Variants in LRBA observed in about 807,000 individuals in gnomAD.
LRBA encodes the protein LPS responsive beige-like anchor protein, also known as lipopolysaccharide-responsive and beige-like anchor protein.
Under a neutral mutation model 330.0 loss-of-function variants are expected in LRBA, and 176 were observed. That is an observed-to-expected ratio of 0.53 (90% CI 0.47 to 0.60). LRBA has a LOEUF of 0.60. Ranked by LOEUF, LRBA falls within the 20% of genes least tolerant of loss-of-function variation. The probability of loss-of-function intolerance (pLI) is 0.00; values close to 1 mark genes in which losing one functional copy is unlikely to be tolerated. For synonymous variants in LRBA, 1,230 were observed against 1,193.0 expected (o/e 1.03, Z -0.64); for missense variants, 3,259 against 3,444.8 (o/e 0.95, Z 1.35).
chr4:150,454,269 GTATTT>G (rs1359615298), intron 44 of LRBA, among the ~76,000 whole-genome samples: 1 of 152,034 alleles, frequency 6.6e-6, no homozygotes, highest in African/African-American at 2.4e-5. Flanking sequence ...TCAAAAATTT[GTATTT>G]TAATTTGTGT....
At chr4:150,901,001 T>C (rs904496736) in intron 13 of LRBA, among the ~76,000 whole-genome samples, 2 of 152,096 alleles carry the variant, frequency 1.3e-5, no homozygotes, top group African/African-American at 4.8e-5. Context: ...GCACATTTCA[T>C]CTTAACAAAA....
chr4:150,367,898 C>T (rs1427276233), intron 47 of LRBA, among the ~76,000 whole-genome samples: 2 of 152,022 alleles, frequency 1.3e-5, no homozygotes, highest in African/African-American at 4.8e-5. Context: ...GCAACATAAA[C>T]GCATTTAAGA....
At chr4:150,706,033 C>T (rs1356053764) in intron 36 of LRBA, among the ~76,000 whole-genome samples, 4 of 152,002 alleles carry the variant, frequency 2.6e-5, no homozygotes, top group African/African-American at 9.6e-5. Context: ...GATGTGAGTG[C>T]ATGCCTGAAA....
intron 27 of LRBA, 87 bp from the exon 28 acceptor site, chr4:150,844,294 AGAACCAGAAAAGCAAAGCTATAGCATTCC>A (rs1274763297): frequency 1.4e-6 from 1 of 706,198 alleles, no homozygotes; most frequent in African/African-American, 1.8e-5. Flanking sequence ...CAGTATTCCC[AGAACCAGAAAAGCAAAGCTATAGCATTCC>A]TTTCCCCACT....
chr4:150,600,873 G>A (rs1774043154), intron 37 of LRBA, among the ~76,000 whole-genome samples: 1 of 152,180 alleles, frequency 6.6e-6, no homozygotes, highest in African/African-American at 2.4e-5. Flanking sequence ...TGATAGTCAT[G>A]GAGCTTGGAT....
At chr4:150,803,631 T>C (rs1237946657) in intron 33 of LRBA, among the ~76,000 whole-genome samples, 1 of 152,194 alleles carries the variant, frequency 6.6e-6, no homozygotes, top group Non-Finnish European at 1.5e-5. Flanking sequence ...TACAGTACTA[T>C]GGCACAATCA....
chr4:150,806,169 A>C, intron 33 of LRBA, 102 bp downstream of exon 33: 2 of 857,140 alleles, frequency 2.3e-6, no homozygotes, highest in Non-Finnish European at 3.4e-6. Flanking sequence ...TCAAAGGCTG[A>C]CAACACTTAA....
At chr4:150,640,197 A>C (rs930407016) in intron 37 of LRBA, among the ~76,000 whole-genome samples, 1 of 151,984 alleles carries the variant, frequency 6.6e-6, no homozygotes, top group Non-Finnish European at 1.5e-5. Flanking sequence ...TCATTGTGTA[A>C]AGTAAGGTAA....
intron 9 of LRBA, among the ~76,000 whole-genome samples, chr4:150,910,711 T>A (rs543265166): frequency 1.3e-5 from 2 of 152,194 alleles, no homozygotes; most frequent in African/African-American, 4.8e-5. Flanking sequence ...AAAAATGCCA[T>A]TGGGATTTTG....
In LRBA at chr4:150,367,515, C is replaced by T. The variant is rs78509322; in HGVS notation, c.7195-17356G>A. On this transcript the variant is annotated intron_variant, in intron 47 of 56. Transcript: ENST00000651943. Reference sequence around the variant, plus strand: ...CTGTACCTGCTGAGTTAATGTTCCTCGGCACACCCCTCCCCCAAAAACAGG... The same window carrying T: ...CTGTACCTGCTGAGTTAATGTTCCTTGGCACACCCCTCCCCCAAAAACAGG... 6.4e-3 allele frequency among the ~76,000 whole-genome samples: 973 copies of T among 152,300 alleles called. 9 individuals carry two copies. The highest frequency in any genetic ancestry group is 0.022 in the African/African-American group (929 of 41,552).
Position 150,615,786 on chromosome 4 carries a change from G to A in LRBA, c.5922-16655C>T, listed in dbSNP as rs115251143. ...TAGACCATATTTCCCAATCTCCTTTGCAATTAAGTATGGCAATATGACTGA... is the reference window on the plus strand; with the variant it reads ...TAGACCATATTTCCCAATCTCCTTTACAATTAAGTATGGCAATATGACTGA... On this transcript the variant is annotated intron_variant, in intron 37 of 56. Coordinates refer to ENST00000651943, the MANE Select transcript of LRBA (RefSeq NM_001364905.1). Among the ~76,000 whole-genome samples, 1,112 of 152,014 alleles carry A rather than the reference G, an allele frequency of 7.3e-3. 6 individuals carry two copies. Among genetic ancestry groups the A allele is most frequent in the African/African-American group, 0.025 (1,045 of 41,466 alleles).
chr4:150,521,661 T>C (rs904151749), intron 40 of LRBA, among the ~76,000 whole-genome samples: 2 of 152,248 alleles, frequency 1.3e-5, no homozygotes, highest in African/African-American at 4.8e-5. Flanking sequence ...TTCCCAGATA[T>C]CTTCATTACT....
chr4:150,858,300 T>C (rs141855336), intron 22 of LRBA, among the ~76,000 whole-genome samples: 72 of 152,092 alleles, frequency 4.7e-4, no homozygotes, highest in African/African-American at 1.5e-3. Context: ...GAAGCTGTAG[T>C]GTGTTATATA....
chr4:150,867,945 C>A, intron 21 of LRBA, 82 bp from the exon 22 acceptor site: 1 of 1,144,792 alleles, frequency 8.7e-7, no homozygotes, highest in South Asian at 1.6e-5. Context: ...ACAAAATAAC[C>A]CTGCCCCTCC....
intron 53 of LRBA, among the ~76,000 whole-genome samples, chr4:150,294,667 G>C (rs1728731617): frequency 6.6e-6 from 1 of 152,148 alleles, no homozygotes; most frequent in African/African-American, 2.4e-5. Flanking sequence ...AGTAGTAGCA[G>C]CAGGCCAGGC....
chr4:150,817,255 C>T lies in LRBA; in HGVS notation c.5174G>A (p.Ser1725Asn), dbSNP rs1418874225. Residue 1725 changes from serine to asparagine, a missense_variant and splice_region_variant, in exon 31 of 57, where the codon AGT (serine) becomes AAT (asparagine). By Grantham distance (46) the Ser-to-Asn change is conservative. Coordinates refer to ENST00000651943, the MANE Select transcript of LRBA (RefSeq NM_001364905.1). ...TGACTTTTTTGCTGCAACAATGACA[C>T]TTCTGTAATAAAGAAAGTAAACAGA... ...QPVQFRSFDR[S>N]VIVAAKKSAV... 3 of 1,611,356 alleles carry T rather than the reference C, an allele frequency of 1.9e-6. No individual in the cohort carries two copies. Among genetic ancestry groups the T allele is most frequent in the Non-Finnish European group, 2.5e-6 (3 of 1,178,198 alleles).
intron 40 of LRBA, among the ~76,000 whole-genome samples, chr4:150,499,940 G>A (rs2152116462): frequency 6.6e-6 from 1 of 151,988 alleles, no homozygotes; most frequent in Middle Eastern, 3.4e-3. Flanking sequence ...GTTGGAAAGT[G>A]AGGTGGGAAG....
intron 43 of LRBA, among the ~76,000 whole-genome samples, chr4:150,470,869 ACACACAC>A (rs1310963692): frequency 2.1e-4 from 25 of 120,964 alleles, no homozygotes; most frequent in Admixed American, 4.4e-4. Context: ...ACACACACAC[ACACACAC>A]CACACACTAA....
At chr4:150,952,518 A>G (rs1364313491) in intron 2 of LRBA, among the ~76,000 whole-genome samples, 1 of 152,180 alleles carries the variant, frequency 6.6e-6, no homozygotes, top group Non-Finnish European at 1.5e-5. Flanking sequence ...GACTTTAAAA[A>G]ATCCAAGTAG....
Sources: allele counts gnomAD v4.1 joint callset (sites outside exome capture counted in the v4.1 genomes callset), GRCh38; gene constraint gnomAD v4.1.1; transcripts MANE v1.5; gene names NCBI Gene and HGNC (gene_info 2026-07-23, HGNC 2026-07-21).